Variants in CTNNB1 observed in about 807,000 individuals in gnomAD.
CTNNB1 encodes catenin beta 1.
CTNNB1 carries 6 observed loss-of-function variants against 82.5 expected under a neutral mutation model. That is an observed-to-expected ratio of 0.07 (90% CI 0.04 to 0.14). The LOEUF is 0.14. CTNNB1 is among the 10% of genes least tolerant of loss of function. CTNNB1 has a pLI of 1.00. For synonymous variants in CTNNB1, 312 were observed against 329.7 expected (o/e 0.95, Z 0.58); for missense variants, 529 against 980.4 (o/e 0.54, Z 6.15).
At chr3:41,210,861 C>T (rs150105492) in intron 1 of CTNNB1, among the ~76,000 whole-genome samples, 2 of 151,952 alleles carry the variant, frequency 1.3e-5, no homozygotes, top group African/African-American at 4.8e-5. Context: ...GCGAGGATAG[C>T]TCACTGTAAC....
At chr3:41,210,614 CAG>C (rs1405374051) in intron 1 of CTNNB1, among the ~76,000 whole-genome samples, 1 of 152,100 alleles carries the variant, frequency 6.6e-6, no homozygotes, top group Non-Finnish European at 1.5e-5. Context: ...CCTGTGATAA[CAG>C]TGCCTTCTGG....
At chr3:41,232,686 G>A (rs1371388638) in intron 7 of CTNNB1, among the ~76,000 whole-genome samples, 1 of 152,004 alleles carries the variant, frequency 6.6e-6, no homozygotes, top group Non-Finnish European at 1.5e-5. Context: ...CACATGTTTT[G>A]TAGTCAGTGA....
chr3:41,216,432 T>TA (rs1412532673), intron 1 of CTNNB1, among the ~76,000 whole-genome samples: 7 of 152,226 alleles, frequency 4.6e-5, no homozygotes, highest in Admixed American at 4.6e-4. Context: ...AATGAAGAAA[T>TA]AGTTATTAAA....
At chr3:41,228,018 C>T (rs1260410909) in intron 7 of CTNNB1, among the ~76,000 whole-genome samples, 1 of 152,118 alleles carries the variant, frequency 6.6e-6, no homozygotes, top group Non-Finnish European at 1.5e-5. Context: ...ATAATGGCCT[C>T]CAGCTCCATC....
At chr3:41,220,405 C>T (rs2078018876) in intron 1 of CTNNB1, 1 of 139,006 alleles carries the variant, frequency 7.2e-6, no homozygotes. Flanking sequence ...CCCACACCCT[C>T]ACCCACCCAC....
intron 1 of CTNNB1, among the ~76,000 whole-genome samples, chr3:41,206,098 TA>T (rs1005619165): frequency 6.6e-6 from 1 of 152,214 alleles, no homozygotes; most frequent in Non-Finnish European, 1.5e-5. Context: ...TTTATTTCCA[TA>T]TTTTTATTTT....
rs539891687 is a variant in CTNNB1 at position 41,212,907 on chromosome 3, G to T, written c.-48-11114G>T. ...TATTTCTTTAGTCTAACTACTACTT[G>T]TCCCTAGTGCCACCACCATCTATCA... On this transcript the variant is annotated intron_variant, in intron 1 of 14. Transcript: ENST00000349496. Among the ~76,000 whole-genome samples the T allele has an allele frequency of 2.0e-5, 3 of 152,190 alleles. No homozygotes were observed. In the East Asian group the frequency reaches 5.8e-4, roughly 29 times the overall value.
At chr3:41,219,116 A>G (rs528422079) in intron 1 of CTNNB1, among the ~76,000 whole-genome samples, 35 of 152,368 alleles carry the variant, frequency 2.3e-4, no homozygotes, top group African/African-American at 8.4e-4. Context: ...TAAAGGAGAT[A>G]GCTGTGCTTT....
intron 1 of CTNNB1, chr3:41,222,042 T>C (rs1346179964): frequency 6.6e-6 from 1 of 152,198 alleles, no homozygotes; most frequent in Non-Finnish European, 1.5e-5. Flanking sequence ...GTTTCAAGTT[T>C]TATCTCAGTT....
intron 13 of CTNNB1, chr3:41,237,136 G>T (rs1265593811): frequency 1.2e-5 from 3 of 245,900 alleles, no homozygotes; most frequent in African/African-American, 6.9e-5. Context: ...GTGGTTCCTT[G>T]AAACATTGTT....
chr3:41,201,500 A>G (rs1334044957), intron 1 of CTNNB1, among the ~76,000 whole-genome samples: 2 of 152,180 alleles, frequency 1.3e-5, no homozygotes, highest in East Asian at 3.8e-4. Context: ...TGCAACAGTA[A>G]CTTGAAAAAC....
intron 10 of CTNNB1, chr3:41,235,479 G>T (rs2078412711): frequency 1.8e-6 from 1 of 546,706 alleles, no homozygotes; most frequent in Non-Finnish European, 3.3e-6. Context: ...GTTGTCTTTG[G>T]GATTCAGCGC....
chr3:41,229,254 T>C (rs2078248465), intron 7 of CTNNB1, among the ~76,000 whole-genome samples: 1 of 152,128 alleles, frequency 6.6e-6, no homozygotes, highest in African/African-American at 2.4e-5. Flanking sequence ...ATGCCATTGG[T>C]AGTTTGGTAG....
chr3:41,224,794 T>A (rs564912197), intron 3 of CTNNB1, 41 bp downstream of exon 3: 1 of 1,602,810 alleles, frequency 6.2e-7, no homozygotes, highest in African/African-American at 1.3e-5. Flanking sequence ...AAAGTCAGAA[T>A]GCAGTTTTGA....
At chr3:41,215,771 A>G (rs1354233347) in intron 1 of CTNNB1, among the ~76,000 whole-genome samples, 1 of 152,224 alleles carries the variant, frequency 6.6e-6, no homozygotes, top group African/African-American at 2.4e-5. Context: ...GTCTGAATGT[A>G]GAGATTAACA....
At chr3:41,223,908 A>G (rs5743389) in intron 1 of CTNNB1, 113 bp from the exon 2 acceptor site, 2 of 747,372 alleles carry the variant, frequency 2.7e-6, no homozygotes, top group Non-Finnish European at 4.6e-6. Flanking sequence ...GTAAAAGAGG[A>G]TATGGGTTTT....
At chr3:41,221,816 C>A (rs2078055284) in intron 1 of CTNNB1, 1 of 152,166 alleles carries the variant, frequency 6.6e-6, no homozygotes, top group Admixed American at 6.5e-5. Context: ...TTTGTTTCTT[C>A]ATAATTCTTT....
chr3:41,236,909 AC>A lies in CTNNB1; in HGVS notation c.2076+201del, dbSNP rs1161482758. 6.9e-5 allele frequency: 44 copies of A among 636,860 alleles called. No homozygotes were observed. In the East Asian group the frequency reaches 1.1e-3, roughly 16 times the overall value. 39.5% of individuals were successfully genotyped at this position (636,860 alleles called of 1,614,324 possible). ...TTTAAAGAGTCTGTTCAGAATCATT[AC>A]AAATAAGTTGTGTTATTTAAAATTA... is the stretch of plus-strand genomic sequence containing the variant. On this transcript the variant is annotated intron_variant, in intron 13 of 14. Transcript: ENST00000349496.
chr3:41,202,043 G>A (rs1041705817), intron 1 of CTNNB1, among the ~76,000 whole-genome samples: 1 of 152,110 alleles, frequency 6.6e-6, no homozygotes, highest in Non-Finnish European at 1.5e-5. Flanking sequence ...GGGGAGAGGC[G>A]CATGCTAAGT....
Sources: gnomAD v4.1 joint callset for allele counts (sites outside exome capture counted in the v4.1 genomes callset) on GRCh38, gnomAD v4.1.1 for gene constraint, MANE v1.5 for transcripts, NCBI Gene and HGNC (gene_info 2026-07-23, HGNC 2026-07-21) for gene names.